The following LURAP1L variants were observed in gnomAD, a reference collection of about 807,000 sequenced individuals.
LURAP1L encodes leucine rich adaptor protein 1-like.
In LURAP1L, 12 loss-of-function variants were observed where a neutral mutation model predicts 13.8. The observed-to-expected ratio is 0.87, with a 90% confidence interval of 0.56 to 1.41. LURAP1L has a LOEUF of 1.41. Among genes scored for constraint, LURAP1L ranks in the 40% most tolerant of loss-of-function variants. LURAP1L has a pLI of 0.00. For missense variants in LURAP1L, 375 were observed against 292.9 expected (o/e 1.28, Z -2.04); for synonymous variants, 139 against 119.2 (o/e 1.17, Z -1.08).
chr9:12,783,118 G>T (rs1002206867), intron 1 of LURAP1L, among the ~76,000 whole-genome samples: 1 of 151,772 alleles, frequency 6.6e-6, no homozygotes, highest in Non-Finnish European at 1.5e-5. Flanking sequence ...GGAGTCTTCA[G>T]GTTTTTCCAT....
intron 1 of LURAP1L, among the ~76,000 whole-genome samples, chr9:12,808,411 C>T (rs1819690340): frequency 6.6e-6 from 1 of 152,076 alleles, no homozygotes; most frequent in Admixed American, 6.6e-5. Flanking sequence ...AGTACATTCA[C>T]ATTGTTGTAC....
chr9:12,813,244 G>C (rs1200459912), intron 1 of LURAP1L, among the ~76,000 whole-genome samples: 1 of 151,980 alleles, frequency 6.6e-6, no homozygotes, highest in Non-Finnish European at 1.5e-5. Context: ...AAAATTTAAA[G>C]TATTTATATA....
intron 1 of LURAP1L, among the ~76,000 whole-genome samples, chr9:12,805,891 A>G (rs948352891): frequency 1.3e-5 from 2 of 152,220 alleles, no homozygotes; most frequent in African/African-American, 4.8e-5. Flanking sequence ...ATCCTAGACA[A>G]TAAGTTAAAC....
intron 1 of LURAP1L, among the ~76,000 whole-genome samples, chr9:12,791,271 C>A (rs1304804059): frequency 1.3e-5 from 2 of 151,990 alleles, no homozygotes; most frequent in Admixed American, 6.6e-5. Context: ...GAAAACAGAT[C>A]CAAAATATGA....
chr9:12,802,466 A>G (rs1382652553), intron 1 of LURAP1L, among the ~76,000 whole-genome samples: 2 of 152,164 alleles, frequency 1.3e-5, no homozygotes, highest in African/African-American at 4.8e-5. Context: ...TGCTCTGGCC[A>G]CGTGAAATGC....
intron 1 of LURAP1L, among the ~76,000 whole-genome samples, chr9:12,812,453 T>C (rs779648979): frequency 6.6e-6 from 1 of 152,230 alleles, no homozygotes; most frequent in Non-Finnish European, 1.5e-5. Context: ...ACTCACTCTC[T>C]GTTGCCTTTG....
chr9:12,794,379 T>C (rs1403842834), intron 1 of LURAP1L, among the ~76,000 whole-genome samples: 1 of 152,082 alleles, frequency 6.6e-6, no homozygotes, highest in African/African-American at 2.4e-5. Context: ...TATCATTAAG[T>C]TGATTTTGTG....
chr9:12,799,586 T>C (rs976359795), intron 1 of LURAP1L, among the ~76,000 whole-genome samples: 5 of 152,088 alleles, frequency 3.3e-5, no homozygotes, highest in Admixed American at 3.3e-4. Flanking sequence ...GTGGAAGACA[T>C]TTTAAAAAAT....
intron 1 of LURAP1L, among the ~76,000 whole-genome samples, chr9:12,781,335 A>C (rs1734623267): frequency 6.6e-6 from 1 of 152,154 alleles, no homozygotes; most frequent in South Asian, 2.1e-4. Context: ...TTGTACTACC[A>C]AACGTTAGCT....
chr9:12,813,034 A>G (rs1217834858), intron 1 of LURAP1L, among the ~76,000 whole-genome samples: 2 of 152,160 alleles, frequency 1.3e-5, no homozygotes, highest in Non-Finnish European at 2.9e-5. Context: ...TCAGATTTTA[A>G]TTACGTCTAG....
chr9:12,814,970 T>C (rs1000277798), intron 1 of LURAP1L, among the ~76,000 whole-genome samples: 2 of 152,164 alleles, frequency 1.3e-5, no homozygotes, highest in African/African-American at 4.8e-5. Context: ...GAAAGAAAGC[T>C]TTGGTGGAAG....
chr9:12,784,239 G>C (rs2118469894), intron 1 of LURAP1L, among the ~76,000 whole-genome samples: 1 of 152,214 alleles, frequency 6.6e-6, no homozygotes, highest in African/African-American at 2.4e-5. Context: ...TTTCCTAAAT[G>C]ATCTTGATGC....
chr9:12,792,389 C>T (rs886611920), intron 1 of LURAP1L, among the ~76,000 whole-genome samples: 3 of 152,080 alleles, frequency 2.0e-5, no homozygotes, highest in Non-Finnish European at 2.9e-5. Context: ...TTGCATTGTA[C>T]ATATTTTGCA....
intron 1 of LURAP1L, among the ~76,000 whole-genome samples, chr9:12,789,701 A>G (rs1249060276): frequency 6.6e-6 from 1 of 152,186 alleles, no homozygotes; most frequent in Non-Finnish European, 1.5e-5. Flanking sequence ...TTTACAAACC[A>G]TTCTACAGTT....
chr9:12,821,331 G>A (rs910436076), intron 1 of LURAP1L, 55 bp from the exon 2 acceptor site: 7 of 1,546,684 alleles, frequency 4.5e-6, no homozygotes, highest in South Asian at 2.5e-5. Context: ...ATGAATTTGA[G>A]GCCTTTCGAG....
At chr9:12,788,335 T>G (rs542762750) in intron 1 of LURAP1L, among the ~76,000 whole-genome samples, 43 of 152,148 alleles carry the variant, frequency 2.8e-4, no homozygotes, top group African/African-American at 9.6e-4. Context: ...AAATGGGCAC[T>G]CTTCTGCACT....
intron 1 of LURAP1L, among the ~76,000 whole-genome samples, chr9:12,776,429 T>C (rs1819185218): frequency 6.6e-6 from 1 of 152,144 alleles, no homozygotes; most frequent in Non-Finnish European, 1.5e-5. Context: ...AAAAGGTGGC[T>C]CAGTCCAATG....
rs61755264 is a variant in LURAP1L, at chr9:12,821,696, T to A, written c.623T>A (p.Ile208Lys). 2.5e-6 allele frequency: 4 copies of A among 1,613,996 alleles called. No homozygotes were observed. The highest frequency in any genetic ancestry group is 2.5e-6 in the Non-Finnish European group (3 of 1,179,998). The change falls in exon 2 of 2, where the codon ATA becomes AAA. Residue 208 changes from isoleucine to lysine, a missense_variant. Ile to Lys is a moderately radical substitution (Grantham distance 102, BLOSUM62 -3). Transcript: ENST00000319264. ...DLDQFSDSSL[I>K]EDSQALHKRP... is the part of the protein sequence containing the mutation. ...GACCAATTCAGTGACAGCTCCCTCA[T>A]AGAGGACTCACAGGCACTACACAAG...
intron 1 of LURAP1L, among the ~76,000 whole-genome samples, chr9:12,808,740 A>T (rs2118531133): frequency 6.6e-6 from 1 of 152,204 alleles, no homozygotes; most frequent in East Asian, 1.9e-4. Context: ...AGTTTTGCAG[A>T]TCTGTAGCTT....
Sources: gnomAD v4.1 joint callset for allele counts (sites outside exome capture counted in the v4.1 genomes callset) on GRCh38, gnomAD v4.1.1 for gene constraint, MANE v1.5 for transcripts, NCBI Gene and HGNC (gene_info 2026-07-23, HGNC 2026-07-21) for gene names.